Variants in PTGFR observed in about 807,000 individuals in gnomAD.
The protein encoded by PTGFR is prostaglandin F2-alpha receptor.
Under a neutral mutation model 26.2 loss-of-function variants are expected in PTGFR, and 15 were observed. The observed-to-expected ratio is 0.57, with a 90% confidence interval of 0.38 to 0.88. PTGFR has a LOEUF of 0.88. PTGFR is among the 40% of genes least tolerant of loss of function. The probability of loss-of-function intolerance (pLI) is 0.00; values close to 1 mark genes in which losing one functional copy is unlikely to be tolerated. For synonymous variants in PTGFR, 165 were observed against 151.1 expected (o/e 1.09, Z -0.68); for missense variants, 369 against 427.2 (o/e 0.86, Z 1.20).
intron 2 of PTGFR, among the ~76,000 whole-genome samples, chr1:78,516,422 G>T (rs1182928864): frequency 6.6e-6 from 1 of 152,198 alleles, no homozygotes; most frequent in African/African-American, 2.4e-5. Context: ...ACAAAGACAT[G>T]AAGATGGTTG....
chr1:78,507,827 C>T (rs563522696), intron 2 of PTGFR, among the ~76,000 whole-genome samples: 2 of 152,252 alleles, frequency 1.3e-5, no homozygotes, highest in African/African-American at 4.8e-5. Context: ...AAGGATGAGG[C>T]TTGTCTTCAA....
At chr1:78,532,658 C>G (rs1203122483) in intron 2 of PTGFR, among the ~76,000 whole-genome samples, 5 of 151,274 alleles carry the variant, frequency 3.3e-5, no homozygotes, top group Non-Finnish European at 7.4e-5. Context: ...ACCTCTGCCT[C>G]TCGGGTTCAA....
At chr1:78,517,919 G>A (rs1362511731) in intron 2 of PTGFR, among the ~76,000 whole-genome samples, 1 of 152,074 alleles carries the variant, frequency 6.6e-6, no homozygotes, top group African/African-American at 2.4e-5. Flanking sequence ...TAATGCATGA[G>A]TAACAAGTGA....
rs1465769916 is a variant in PTGFR, at chr1:78,537,706, A to G, written c.*1019A>G. The G allele has an allele frequency of 6.6e-6, 1 of 152,166 alleles. No homozygotes were observed. The allele number at this position is 152,166 out of a possible 1,614,324, so 9.4% of individuals were successfully genotyped here. A position where few individuals can be genotyped will look rare whatever the true frequency, so the allele number is the denominator to read the frequency against. Reference sequence around the variant, plus strand: ...GACATCAGAAAATTCTGTTGAGAGCAGGTTCATTAAATTTGTAAGATGGCA... The same window carrying G: ...GACATCAGAAAATTCTGTTGAGAGCGGGTTCATTAAATTTGTAAGATGGCA... On this transcript the variant is annotated 3_prime_UTR_variant, in exon 3 of 3. Transcript: ENST00000370757.
chr1:78,509,125 T>G (rs1360341170), intron 2 of PTGFR, among the ~76,000 whole-genome samples: 3 of 152,218 alleles, frequency 2.0e-5, no homozygotes, highest in Non-Finnish European at 4.4e-5. Flanking sequence ...GTAACTTTAC[T>G]ACTTACATTC....
chr1:78,500,201 A>G (rs943324928), intron 2 of PTGFR, among the ~76,000 whole-genome samples: 3 of 152,342 alleles, frequency 2.0e-5, no homozygotes, highest in Non-Finnish European at 2.9e-5. Context: ...ATTTGTCTGA[A>G]GCAGGCTTGC....
chr1:78,508,848 G>A (rs1649888728), intron 2 of PTGFR, among the ~76,000 whole-genome samples: 1 of 151,970 alleles, frequency 6.6e-6, no homozygotes, highest in Non-Finnish European at 1.5e-5. Context: ...TATAATTTTT[G>A]TCATTTCAGT....
At chr1:78,492,055 C>G (rs1322936) in intron 1 of PTGFR, among the ~76,000 whole-genome samples, 4,759 of 152,300 alleles carry the variant, frequency 0.031, 250 homozygotes, top group African/African-American at 0.11. Context: ...ACCAGAAAAC[C>G]TTCCCAGAGA....
intron 2 of PTGFR, among the ~76,000 whole-genome samples, chr1:78,508,149 G>A (rs776412609): frequency 5.3e-5 from 8 of 151,440 alleles, no homozygotes; most frequent in Non-Finnish European, 8.8e-5. Context: ...TTTTCTGTTT[G>A]TGCTTCTGGC....
rs765817668 is a variant in PTGFR, at chr1:78,493,289, G to A, written c.546G>A (p.Ser182=). 5 of 1,614,128 alleles carry A rather than the reference G, an allele frequency of 3.1e-6. No homozygotes were observed. Among genetic ancestry groups the A allele is most frequent in the Admixed American group, 1.7e-5 (1 of 60,030 alleles). ...ATCGAGACTATAAAATTCAGGCGTC[G>A]AGGACCTGGTGTTTCTACAACACAG... The part of the protein sequence containing the change: ...LGHRDYKIQA[S]RTWCFYNTED... The change falls in exon 2 of 3, where the codon TCG becomes TCA. Residue 182 remains serine, a synonymous_variant. Transcript: ENST00000370757.
chr1:78,512,223 T>A (rs1044761305), intron 2 of PTGFR, among the ~76,000 whole-genome samples: 5 of 152,252 alleles, frequency 3.3e-5, no homozygotes, highest in African/African-American at 1.2e-4. Context: ...TGCTTCCACA[T>A]CTTCAGGGAT....
intron 2 of PTGFR, among the ~76,000 whole-genome samples, chr1:78,525,006 A>G (rs913555031): frequency 1.4e-5 from 2 of 144,202 alleles, no homozygotes; most frequent in South Asian, 2.2e-4. Flanking sequence ...AAATCCTCCA[A>G]CTGCTTCTTA....
At chr1:78,531,055 C>T (rs1650494898) in intron 2 of PTGFR, among the ~76,000 whole-genome samples, 1 of 152,152 alleles carries the variant, frequency 6.6e-6, no homozygotes, top group Non-Finnish European at 1.5e-5. Flanking sequence ...TCCATGATCC[C>T]TCCTGTGCCT....
chr1:78,519,059 T>A (rs1650162635), intron 2 of PTGFR, among the ~76,000 whole-genome samples: 2 of 152,152 alleles, frequency 1.3e-5, no homozygotes, highest in African/African-American at 4.8e-5. Context: ...GGCCCTGAAA[T>A]TGCCTATCAA....
intron 2 of PTGFR, among the ~76,000 whole-genome samples, chr1:78,533,406 C>A (rs1041621402): frequency 1.3e-5 from 2 of 152,134 alleles, no homozygotes; most frequent in Non-Finnish European, 2.9e-5. Flanking sequence ...GACTAGACAA[C>A]ATTTTCCTGT....
chr1:78,508,985 T>G (rs1649890904), intron 2 of PTGFR, among the ~76,000 whole-genome samples: 1 of 152,200 alleles, frequency 6.6e-6, no homozygotes, highest in South Asian at 2.1e-4. Flanking sequence ...AGTGCCATTC[T>G]TATTAGTGGA....
intron 2 of PTGFR, among the ~76,000 whole-genome samples, chr1:78,524,587 G>T (rs1650323102): frequency 6.6e-6 from 1 of 152,050 alleles, no homozygotes; most frequent in Admixed American, 6.6e-5. Context: ...AATACAACCT[G>T]ATCAGAATTT....
chr1:78,520,125 G>A (rs2100383460), intron 2 of PTGFR, among the ~76,000 whole-genome samples: 1 of 151,982 alleles, frequency 6.6e-6, no homozygotes, highest in South Asian at 2.1e-4. Flanking sequence ...TTACCTTTTG[G>A]GATTTTGGGT....
At chr1:78,535,826 A>G (rs1434355974) in intron 2 of PTGFR, among the ~76,000 whole-genome samples, 2 of 152,160 alleles carry the variant, frequency 1.3e-5, no homozygotes, top group African/African-American at 4.8e-5. Context: ...AAGTCCTTAG[A>G]AAATTCCATT....
Sources: gnomAD v4.1 joint callset for allele counts (sites outside exome capture counted in the v4.1 genomes callset) on GRCh38, gnomAD v4.1.1 for gene constraint, MANE v1.5 for transcripts, NCBI Gene and HGNC (gene_info 2026-07-23, HGNC 2026-07-21) for gene names.